The following DLGAP2 variants were observed in gnomAD, a reference collection of about 807,000 sequenced individuals.
DLGAP2 encodes disks large-associated protein 2.
In DLGAP2, 26 loss-of-function variants were observed where a neutral mutation model predicts 100.3. That is an observed-to-expected ratio of 0.26 (90% confidence interval 0.19 to 0.36). The LOEUF is 0.36. Ranked by LOEUF, DLGAP2 falls within the 10% of genes least tolerant of loss-of-function variation. DLGAP2 has a pLI of 1.00. For missense variants in DLGAP2, 1,858 were observed against 1,453.2 expected, an observed-to-expected ratio of 1.28 and a Z score of -4.53; for synonymous variants, 886 against 630.1, an observed-to-expected ratio of 1.41 and a Z score of -6.08.
At chr8:1,239,806 C>T (rs1358076067) in intron 2 of DLGAP2, among the ~76,000 whole-genome samples, 1 of 42,478 alleles carries the variant, frequency 2.4e-5, no homozygotes, top group African/African-American at 1.1e-4. Flanking sequence ...CTAGTTACGT[C>T]TCACAGGGTG....
chr8:1,623,611 C>T (rs1043769798), intron 6 of DLGAP2, among the ~76,000 whole-genome samples: 13 of 148,312 alleles, frequency 8.8e-5, no homozygotes, highest in Admixed American at 2.7e-4. Context: ...CACCAGTGTG[C>T]GATGACGTGG....
chr8:1,379,027 C>T (rs1173889282), intron 3 of DLGAP2, among the ~76,000 whole-genome samples: 1 of 152,244 alleles, frequency 6.6e-6, no homozygotes, highest in Non-Finnish European at 1.5e-5. Context: ...GATAAAGCTT[C>T]TTTTTAAATT....
At chr8:1,172,969 G>A (rs953999446) in intron 2 of DLGAP2, among the ~76,000 whole-genome samples, 3 of 152,050 alleles carry the variant, frequency 2.0e-5, no homozygotes, top group African/African-American at 7.2e-5. Context: ...GCTTTTTAGA[G>A]TTTCCATTTT....
chr8:1,437,125 G>A (rs574634134), intron 3 of DLGAP2, among the ~76,000 whole-genome samples: 31 of 150,622 alleles, frequency 2.1e-4, no homozygotes, highest in African/African-American at 7.3e-4. Context: ...GCCCAGGCGC[G>A]TAAGGGTGAC....
At chr8:1,114,161 T>C (rs1259775603) in intron 2 of DLGAP2, among the ~76,000 whole-genome samples, 1 of 152,210 alleles carries the variant, frequency 6.6e-6, no homozygotes, top group Admixed American at 6.5e-5. Context: ...GAAGTTTTCT[T>C]TTTTTGTTGT....
intron 3 of DLGAP2, among the ~76,000 whole-genome samples, chr8:1,416,940 G>A (rs368144312): frequency 1.8e-4 from 27 of 152,292 alleles, no homozygotes; most frequent in African/African-American, 5.3e-4. Context: ...AAACAGATTT[G>A]CTTCGTGAGG....
chr8:1,087,432 G>C (rs2129040738), intron 2 of DLGAP2, among the ~76,000 whole-genome samples: 1 of 152,268 alleles, frequency 6.6e-6, no homozygotes, highest in East Asian at 1.9e-4. Flanking sequence ...CCTTTCTCAA[G>C]GCTGTGAGCA....
At chr8:1,445,153 A>G (rs571839692) in intron 3 of DLGAP2, among the ~76,000 whole-genome samples, 9 of 149,468 alleles carry the variant, frequency 6.0e-5, no homozygotes, top group Non-Finnish European at 8.9e-5. Context: ...TTTGTTATAC[A>G]TGTATACATG....
At position 1,549,299 on chromosome 8, in the gene DLGAP2, G is replaced by A. The variant is rs752416915; in HGVS notation, c.846G>A (p.Glu282=). ...AKHSKRSKSK[E]RKPEGKPRPG... is the part of the protein sequence containing the mutation. Reference sequence around the variant, plus strand: ...ACAGCAAGAGGAGCAAGAGCAAGGAGCGCAAGCCGGAGGGCAAGCCCCGGC... The same window carrying A: ...ACAGCAAGAGGAGCAAGAGCAAGGAACGCAAGCCGGAGGGCAAGCCCCGGC... Residue 282 remains glutamate, a synonymous_variant, in exon 5 of 15, where the codon GAG becomes GAA. Coordinates refer to ENST00000637795, the MANE Select transcript of DLGAP2 (RefSeq NM_001346810.2). 1 of 1,612,464 alleles carries A rather than the reference G, an allele frequency of 6.2e-7. No homozygotes were observed. Among genetic ancestry groups the A allele is most frequent in the South Asian group, 1.1e-5 (1 of 91,040 alleles).
intron 3 of DLGAP2, among the ~76,000 whole-genome samples, chr8:1,418,543 C>G (rs115459729): frequency 6.6e-6 from 1 of 152,150 alleles, no homozygotes; most frequent in Non-Finnish European, 1.5e-5. Context: ...GGAAGCTTCA[C>G]CTGGCTGCCA....
At chr8:1,221,913 C>A in intron 2 of DLGAP2, among the ~76,000 whole-genome samples, 1 of 152,304 alleles carries the variant, frequency 6.6e-6, no homozygotes. Context: ...TAATTGCATT[C>A]CGAAATTCCT....
chr8:1,663,283 T>C (rs1326518722), intron 8 of DLGAP2, among the ~76,000 whole-genome samples: 1 of 152,112 alleles, frequency 6.6e-6, no homozygotes, highest in Non-Finnish European at 1.5e-5. Context: ...TTTCTCATAC[T>C]GAAGAAATGA....
intron 1 of DLGAP2, among the ~76,000 whole-genome samples, chr8:826,450 G>GAAGA (rs1211004964): frequency 6.6e-6 from 1 of 152,038 alleles, no homozygotes; most frequent in African/African-American, 2.4e-5. Context: ...TTCTTTTTCA[G>GAAGA]GTTTTTTGAA....
intron 2 of DLGAP2, among the ~76,000 whole-genome samples, chr8:1,095,322 C>T (rs1804331525): frequency 6.6e-6 from 1 of 152,208 alleles, no homozygotes; most frequent in Admixed American, 6.5e-5. Flanking sequence ...GCTCTCTCCC[C>T]ACCACCTGCC....
intron 4 of DLGAP2, among the ~76,000 whole-genome samples, chr8:1,531,844 G>A (rs1338859798): frequency 3.3e-5 from 5 of 152,146 alleles, no homozygotes; most frequent in African/African-American, 1.2e-4. Flanking sequence ...TTTGAGACAG[G>A]TCTCAGTTTA....
chr8:1,344,176 G>GCTGTCGTGGGTCCGTGTACTGTGGGCC (rs1801499555), intron 3 of DLGAP2, among the ~76,000 whole-genome samples: 1 of 31,388 alleles, frequency 3.2e-5, no homozygotes, highest in Non-Finnish European at 6.4e-5. Context: ...TACTCGGGGC[G>GCTGTCGTGGGTCCGTGTACTGTGGGCC]CTGTCGTGGG....
At chr8:1,267,318 G>A (rs1212061802) in intron 3 of DLGAP2, among the ~76,000 whole-genome samples, 1 of 151,210 alleles carries the variant, frequency 6.6e-6, no homozygotes, top group African/African-American at 2.4e-5. Flanking sequence ...TGTAATTCCA[G>A]CACTTTGGGA....
chr8:1,060,924 C>A (rs1803062496), intron 2 of DLGAP2, among the ~76,000 whole-genome samples: 1 of 152,224 alleles, frequency 6.6e-6, no homozygotes, highest in Non-Finnish European at 1.5e-5. Context: ...GACTTACTTG[C>A]ATTCTGAGTG....
intron 13 of DLGAP2, among the ~76,000 whole-genome samples, chr8:1,695,950 G>T (rs1201051433): frequency 2.6e-5 from 4 of 152,374 alleles, no homozygotes; most frequent in African/African-American, 9.6e-5. Flanking sequence ...GCTTTGAGTG[G>T]CCAAGGCTGC....
Sources: allele counts gnomAD v4.1 joint callset (sites outside exome capture counted in the v4.1 genomes callset), GRCh38; gene constraint gnomAD v4.1.1; transcripts MANE v1.5; gene names NCBI Gene and HGNC (gene_info 2026-07-23, HGNC 2026-07-21).